Variants in CDC14B observed in about 807,000 individuals in gnomAD.
The protein encoded by CDC14B is cell division cycle 14B.
Under a neutral mutation model 64.2 loss-of-function variants are expected in CDC14B, and 22 were observed. The ratio of observed to expected loss-of-function variants is 0.34; its 90% confidence interval spans 0.24 to 0.49. The LOEUF is 0.49. CDC14B is among the 20% of genes least tolerant of loss of function. The pLI is 0.99. For synonymous variants in CDC14B, 191 were observed against 215.8 expected, an observed-to-expected ratio of 0.89 and a Z score of 1.01; for missense variants, 498 against 629.9, an observed-to-expected ratio of 0.79 and a Z score of 2.24.
At chr9:96,593,015 G>A (rs536614144) in intron 1 of CDC14B, among the ~76,000 whole-genome samples, 4 of 152,080 alleles carry the variant, frequency 2.6e-5, no homozygotes, top group Non-Finnish European at 5.9e-5. Context: ...AAATTAAAAT[G>A]TTTGCCGTAA....
chr9:96,492,738 C>CT (rs1833119998), exon 14 of CDC14B: 3 of 152,206 alleles, frequency 2.0e-5, no homozygotes, highest in Admixed American at 2.0e-4. Flanking sequence ...GAGCAAGACT[C>CT]TGTCTTTGGA....
At position 96,619,335 on chromosome 9, in the gene CDC14B, G is replaced by A. The variant is rs1390833674; in HGVS notation, c.44C>T (p.Pro15Leu). The change falls in exon 1 of 14, where the codon CCC becomes CTC. Residue 15 changes from proline to leucine, a missense_variant. Transcript: ENST00000375241. ...SERRSSWAAAPPCSRRCSSTS... is the reference protein window; with the variant it reads ...SERRSSWAAALPCSRRCSSTS... The stretch of plus-strand genomic sequence containing the variant: ...CGACGAGCAGCGCCGCGAGCAGGGG[G>A]GCGCGGCGGCCCAGCTCGACCGCCG... 2.4e-6 allele frequency: 3 copies of A among 1,275,056 alleles called. No individual in the cohort carries two copies. Among genetic ancestry groups the A allele is most frequent in the African/African-American group, 1.5e-5 (1 of 65,192 alleles). 79.0% of individuals were successfully genotyped at this position (1,275,056 alleles called of 1,614,324 possible).
chr9:96,539,735 C>CA (rs1352288446), intron 6 of CDC14B, among the ~76,000 whole-genome samples: 1 of 151,918 alleles, frequency 6.6e-6, no homozygotes. Flanking sequence ...AGGAATAAAA[C>CA]AAAAAAAATT....
intron 1 of CDC14B, among the ~76,000 whole-genome samples, chr9:96,592,591 T>C (rs909424007): frequency 3.9e-5 from 6 of 152,150 alleles, no homozygotes; most frequent in Admixed American, 2.0e-4. Flanking sequence ...CTGGCCAACA[T>C]AGTGAAACCC....
chr9:96,612,517 T>C (rs778422767), intron 1 of CDC14B, among the ~76,000 whole-genome samples: 7 of 152,356 alleles, frequency 4.6e-5, no homozygotes, highest in Non-Finnish European at 8.8e-5. Context: ...AGGTTACTAA[T>C]AATCTGTCTG....
chr9:96,611,091 GAA>G (rs1235924277), intron 1 of CDC14B, among the ~76,000 whole-genome samples: 2 of 118,146 alleles, frequency 1.7e-5, no homozygotes, highest in Non-Finnish European at 3.6e-5. Context: ...AAAAGCTATA[GAA>G]AAAAAAAAAA....
chr9:96,617,554 A>G (rs1232886545), intron 1 of CDC14B, among the ~76,000 whole-genome samples: 1 of 152,216 alleles, frequency 6.6e-6, no homozygotes, highest in Non-Finnish European at 1.5e-5. Flanking sequence ...CAGAACAATC[A>G]TTCTAATAAG....
At chr9:96,556,666 C>T (rs1842542914) in intron 4 of CDC14B, among the ~76,000 whole-genome samples, 1 of 152,072 alleles carries the variant, frequency 6.6e-6, no homozygotes, top group African/African-American at 2.4e-5. Context: ...AAACACGTAT[C>T]TACCAAGTCT....
chr9:96,546,006 G>C (rs546287142), intron 5 of CDC14B, among the ~76,000 whole-genome samples: 1 of 152,278 alleles, frequency 6.6e-6, no homozygotes, highest in Admixed American at 6.5e-5. Flanking sequence ...TTGTCACCAA[G>C]ATCATTTAAC....
At chr9:96,590,086 C>T (rs957696954) in intron 1 of CDC14B, among the ~76,000 whole-genome samples, 4 of 152,238 alleles carry the variant, frequency 2.6e-5, no homozygotes, top group African/African-American at 9.6e-5. Flanking sequence ...CAATACATCT[C>T]AAAGTTTTTC....
intron 4 of CDC14B, among the ~76,000 whole-genome samples, chr9:96,559,286 G>A (rs1473541364): frequency 6.6e-6 from 1 of 152,216 alleles, no homozygotes; most frequent in Non-Finnish European, 1.5e-5. Context: ...AAAAAGGACT[G>A]ATAAAAATAA....
intron 1 of CDC14B, among the ~76,000 whole-genome samples, chr9:96,584,516 T>C (rs1458715573): frequency 1.3e-5 from 2 of 152,140 alleles, no homozygotes; most frequent in Non-Finnish European, 1.5e-5. Flanking sequence ...AGATAAGATA[T>C]TCTTCTAGGA....
At chr9:96,594,919 G>A (rs1216391516) in intron 1 of CDC14B, among the ~76,000 whole-genome samples, 1 of 152,086 alleles carries the variant, frequency 6.6e-6, no homozygotes, top group Non-Finnish European at 1.5e-5. Flanking sequence ...TTGGCTGTCT[G>A]AGGCAGACGG....
intron 9 of CDC14B, among the ~76,000 whole-genome samples, chr9:96,524,874 T>G (rs1398737931): frequency 6.6e-6 from 1 of 152,128 alleles, no homozygotes; most frequent in Non-Finnish European, 1.5e-5. Flanking sequence ...CTACTGCTTG[T>G]TTTTCTGGAG....
At chr9:96,522,383 A>C in intron 12 of CDC14B, 123 bp downstream of exon 12, 1 of 718,784 alleles carries the variant, frequency 1.4e-6, no homozygotes, top group South Asian at 1.6e-5. Flanking sequence ...TAACATAGGC[A>C]AGCATTTCAA....
intron 5 of CDC14B, among the ~76,000 whole-genome samples, chr9:96,547,512 T>G (rs1841121363): frequency 6.6e-6 from 1 of 150,948 alleles, no homozygotes; most frequent in Non-Finnish European, 1.5e-5. Context: ...GCAGGCTGAG[T>G]GCAGTGGCAT....
At chr9:96,603,996 TAA>T (rs1846684723) in intron 1 of CDC14B, among the ~76,000 whole-genome samples, 1 of 152,100 alleles carries the variant, frequency 6.6e-6, no homozygotes, top group African/African-American at 2.4e-5. Flanking sequence ...TTATTCGAAA[TAA>T]AAGACTTAAA....
Position 96,509,801 on chromosome 9 carries a change from T to C in CDC14B, c.1344-12A>G. 2.0e-6 allele frequency: 3 copies of C among 1,504,994 alleles called. No individual in the cohort carries two copies. The highest frequency in any genetic ancestry group is 1.2e-5 in the South Asian group (1 of 86,482). The allele number at this position is 1,504,994 out of a possible 1,614,324, so 93.2% of individuals were successfully genotyped here. ...ATTGAAGAATTACTCTGAAAATAGTTGGAAAAAAATAAGATTATATTCACT... is the reference window on the plus strand; with the variant it reads ...ATTGAAGAATTACTCTGAAAATAGTCGGAAAAAAATAAGATTATATTCACT... On this transcript the variant is annotated splice_polypyrimidine_tract_variant and intron_variant, in intron 12 of 13. Transcript: ENST00000375241.
intron 1 of CDC14B, among the ~76,000 whole-genome samples, chr9:96,608,183 A>C (rs1258029778): frequency 6.6e-6 from 1 of 152,230 alleles, no homozygotes; most frequent in Non-Finnish European, 1.5e-5. Context: ...AGCTATTACA[A>C]GGATGAGACT....
Sources: allele counts gnomAD v4.1 joint callset (sites outside exome capture counted in the v4.1 genomes callset), GRCh38; gene constraint gnomAD v4.1.1; transcripts MANE v1.5; gene names NCBI Gene and HGNC (gene_info 2026-07-23, HGNC 2026-07-21).